APP: variants seen among roughly 807,000 people sequenced by gnomAD.
APP encodes amyloid beta precursor protein.
APP carries 31 observed loss-of-function variants against 101.4 expected under a neutral mutation model. That is an observed-to-expected ratio of 0.31 (90% confidence interval 0.23 to 0.41). The LOEUF (loss-of-function observed/expected upper bound fraction) is 0.41. APP is among the 10% of genes least tolerant of loss of function. The probability of loss-of-function intolerance (pLI) is 1.00; values close to 1 mark genes in which losing one functional copy is unlikely to be tolerated. For missense variants in APP, 839 were observed against 1,003.7 expected, an observed-to-expected ratio of 0.84 and a Z score of 2.22; for synonymous variants, 366 against 364.4, an observed-to-expected ratio of 1.00 and a Z score of -0.05.
intron 13 of APP, among the ~76,000 whole-genome samples, chr21:25,949,525 T>C (rs2040972357): frequency 6.6e-6 from 1 of 152,172 alleles, no homozygotes. Flanking sequence ...GTCAGGTCTT[T>C]AGGGTTACGG....
chr21:25,905,320 C>T (rs2038732945), intron 14 of APP, among the ~76,000 whole-genome samples: 1 of 152,132 alleles, frequency 6.6e-6, no homozygotes, highest in African/African-American at 2.4e-5. Flanking sequence ...TAATAAAAGC[C>T]CTCACCAGGA....
intron 16 of APP, 112 bp from the exon 17 acceptor site, chr21:25,891,980 A>T: frequency 9.0e-7 from 1 of 1,110,800 alleles, no homozygotes; most frequent in Non-Finnish European, 1.3e-6. Context: ...CATTTGGATG[A>T]GGTTATATAA....
chr21:26,136,487 A>T (rs1467610522), intron 1 of APP, among the ~76,000 whole-genome samples: 1 of 152,138 alleles, frequency 6.6e-6, no homozygotes, highest in Non-Finnish European at 1.5e-5. Context: ...TTTGCTCCCT[A>T]AGGAAAACTG....
At chr21:26,010,629 G>A (rs1235100459) in intron 6 of APP, among the ~76,000 whole-genome samples, 1 of 151,586 alleles carries the variant, frequency 6.6e-6, no homozygotes, top group East Asian at 1.9e-4. Context: ...GGCTAACATG[G>A]TGAAACCCTG....
intron 1 of APP, among the ~76,000 whole-genome samples, chr21:26,152,284 C>CGAAAAA (rs2063291636): frequency 5.5e-5 from 2 of 36,202 alleles, no homozygotes; most frequent in African/African-American, 1.5e-4. Flanking sequence ...GACTCCATCT[C>CGAAAAA]AAAAAAAAAA....
intron 1 of APP, among the ~76,000 whole-genome samples, chr21:26,163,480 C>T (rs2063543095): frequency 6.6e-6 from 1 of 152,086 alleles, no homozygotes; most frequent in Non-Finnish European, 1.5e-5. Flanking sequence ...TCATCTTTTC[C>T]CTTTTCCAAA....
chr21:26,147,709 G>C (rs1421287810), intron 1 of APP, among the ~76,000 whole-genome samples: 1 of 152,030 alleles, frequency 6.6e-6, no homozygotes, highest in East Asian at 1.9e-4. Context: ...CATTAAGTCG[G>C]CCTCAAAGCA....
intron 17 of APP, among the ~76,000 whole-genome samples, chr21:25,883,495 G>A (rs891821696): frequency 2.0e-5 from 3 of 152,040 alleles, no homozygotes; most frequent in Admixed American, 6.5e-5. Context: ...TTTGAGACAC[G>A]CCTGGCCAAC....
chr21:26,011,934 C>G lies in APP; in HGVS notation c.865+9906G>C, dbSNP rs191224890. 9.7e-4 allele frequency among the ~76,000 whole-genome samples: 147 copies of G among 152,286 alleles called. 1 individual carries two copies. The highest frequency in any genetic ancestry group is 2.4e-4 in the Non-Finnish European group (16 of 68,018). ...TTTAAGAAAGAGGCAACCCTACTCT[C>G]ATAGTTAAAACACCTGAACAGTCTT... On this transcript the variant is annotated intron_variant, in intron 6 of 17. Transcript: ENST00000346798.
At chr21:26,021,688 C>CA in intron 6 of APP, 152 bp downstream of exon 6, 1 of 1,165,162 alleles carries the variant, frequency 8.6e-7, no homozygotes, top group Non-Finnish European at 1.2e-6. Flanking sequence ...CTTGTTAAAC[C>CA]AAAAAAATTT....
At chr21:26,063,570 T>A (rs569154449) in intron 3 of APP, among the ~76,000 whole-genome samples, 5 of 150,384 alleles carry the variant, frequency 3.3e-5, no homozygotes, top group Non-Finnish European at 7.4e-5. Flanking sequence ...AGGAACCAAG[T>A]GAAAGGGCTT....
intron 3 of APP, among the ~76,000 whole-genome samples, chr21:26,081,135 T>C (rs999137874): frequency 5.3e-5 from 8 of 152,218 alleles, no homozygotes; most frequent in East Asian, 1.9e-4. Context: ...TATTCACTTA[T>C]GTTACACCAT....
At position 26,090,082 on chromosome 21, in the gene APP, C is replaced by G. The variant is rs2061790638; in HGVS notation, c.226-10G>C. On this transcript the variant is annotated splice_polypyrimidine_tract_variant and intron_variant, in intron 2 of 17. Transcript: ENST00000346798. ...GCAGTTCAGGGTAGACCTGGGAGAG[C>G]ACACAAAAAGAATCAATTGTTACTT... 2 of 1,613,776 alleles carry G rather than the reference C, an allele frequency of 1.2e-6. No individual in the cohort carries two copies. Among genetic ancestry groups the G allele is most frequent in the African/African-American group, 1.3e-5 (1 of 74,912 alleles).
At chr21:25,990,583 C>T (rs115459885) in intron 8 of APP, among the ~76,000 whole-genome samples, 2,119 of 152,164 alleles carry the variant, frequency 0.014, 48 homozygotes, top group African/African-American at 0.048. Context: ...TAGATGAGTT[C>T]GAAAAGTCAA....
intron 3 of APP, among the ~76,000 whole-genome samples, chr21:26,076,536 A>G (rs2061499781): frequency 6.6e-6 from 1 of 152,224 alleles, no homozygotes. Flanking sequence ...AATCACAAGT[A>G]CAAACCTCTA....
At chr21:25,912,474 G>T (rs1285859626) in intron 13 of APP, among the ~76,000 whole-genome samples, 1 of 152,112 alleles carries the variant, frequency 6.6e-6, no homozygotes, top group Non-Finnish European at 1.5e-5. Context: ...CTACCTTCTT[G>T]AATAGTTTTC....
intron 13 of APP, among the ~76,000 whole-genome samples, chr21:25,914,946 G>A (rs1165662326): frequency 2.0e-5 from 3 of 152,170 alleles, no homozygotes; most frequent in Admixed American, 6.5e-5. Context: ...AGCACAAACC[G>A]ACTGAGACAA....
intron 14 of APP, 78 bp downstream of exon 14, chr21:25,911,663 A>ACT (rs559804168): frequency 7.7e-7 from 1 of 1,296,642 alleles, no homozygotes; most frequent in Non-Finnish European, 1.1e-6. Context: ...ACAAAAGATA[A>ACT]CTCTCTCTCT....
At chr21:26,007,388 T>C (rs964602628) in intron 6 of APP, among the ~76,000 whole-genome samples, 5 of 147,376 alleles carry the variant, frequency 3.4e-5, no homozygotes, top group African/African-American at 9.8e-5. Flanking sequence ...GATTATAATA[T>C]ATTATATAAA....
Sources: allele counts gnomAD v4.1 joint callset (sites outside exome capture counted in the v4.1 genomes callset), GRCh38; gene constraint gnomAD v4.1.1; transcripts MANE v1.5; gene names NCBI Gene and HGNC (gene_info 2026-07-23, HGNC 2026-07-21).